The following MGAT4C variants were observed in gnomAD, a reference collection of about 807,000 sequenced individuals.
MGAT4C encodes the protein MGAT4 family member C, also known as alpha-1,3-mannosyl-glycoprotein 4-beta-N-acetylglucosaminyltransferase C.
In MGAT4C, 19 loss-of-function variants were observed where a neutral mutation model predicts 40.1. The observed-to-expected ratio is 0.47, with a 90% confidence interval of 0.33 to 0.70. MGAT4C has a LOEUF of 0.70. Among genes scored for constraint, MGAT4C ranks in the 30% least tolerant of loss-of-function variants. The pLI is 0.02. For synonymous variants in MGAT4C, 181 were observed against 187.1 expected (o/e 0.97, Z 0.27); for missense variants, 491 against 563.2 (o/e 0.87, Z 1.30).
At chr12:86,062,116 A>AT (rs1217153218) in intron 1 of MGAT4C, among the ~76,000 whole-genome samples, 1 of 152,206 alleles carries the variant, frequency 6.6e-6, no homozygotes, top group African/African-American at 2.4e-5. Flanking sequence ...GACACCTCAT[A>AT]TAGTAGAGCT....
intron 2 of MGAT4C, among the ~76,000 whole-genome samples, chr12:86,448,169 G>A (rs1957370765): frequency 6.6e-6 from 1 of 152,114 alleles, no homozygotes; most frequent in African/African-American, 2.4e-5. Flanking sequence ...GGTTCACACA[G>A]TCTCCCAGAA....
intron 2 of MGAT4C, among the ~76,000 whole-genome samples, chr12:86,509,071 C>T (rs1037784265): frequency 6.6e-6 from 1 of 151,912 alleles, no homozygotes; most frequent in Non-Finnish European, 1.5e-5. Flanking sequence ...TTAATTAGAT[C>T]CCATTTGTCA....
At chr12:86,788,908 A>G (rs1481963240) in intron 1 of MGAT4C, among the ~76,000 whole-genome samples, 2 of 152,178 alleles carry the variant, frequency 1.3e-5, no homozygotes, top group African/African-American at 4.8e-5. Flanking sequence ...TAGCCAATGT[A>G]TAAAATCAAC....
At chr12:86,818,904 G>A (rs1952653616) in intron 1 of MGAT4C, among the ~76,000 whole-genome samples, 1 of 150,930 alleles carries the variant, frequency 6.6e-6, no homozygotes, top group Non-Finnish European at 1.5e-5. Context: ...TGGTAAATAA[G>A]CATATGAATA....
chr12:86,370,917 G>T (rs1036070057), intron 3 of MGAT4C, among the ~76,000 whole-genome samples: 4 of 152,008 alleles, frequency 2.6e-5, no homozygotes, highest in African/African-American at 9.7e-5. Context: ...GCAGAGGGGT[G>T]AGGGGTGGCC....
intron 1 of MGAT4C, among the ~76,000 whole-genome samples, chr12:86,237,834 T>C (rs1951618617): frequency 6.6e-6 from 1 of 151,896 alleles, no homozygotes; most frequent in Non-Finnish European, 1.5e-5. Context: ...TCATAGATAA[T>C]TTTATCTTGC....
At chr12:86,025,017 T>G (rs900437429) in intron 2 of MGAT4C, among the ~76,000 whole-genome samples, 1 of 151,714 alleles carries the variant, frequency 6.6e-6, no homozygotes, top group Non-Finnish European at 1.5e-5. Context: ...AAACCAGAAT[T>G]CAAATGTCTT....
intron 2 of MGAT4C, among the ~76,000 whole-genome samples, chr12:86,650,505 C>A (rs1963665004): frequency 6.6e-6 from 1 of 151,816 alleles, no homozygotes; most frequent in Admixed American, 6.6e-5. Flanking sequence ...ATTTAAATAC[C>A]AAGTGCTGCA....
intron 4 of MGAT4C, among the ~76,000 whole-genome samples, chr12:86,294,575 G>A (rs1212910272): frequency 6.6e-6 from 1 of 152,100 alleles, no homozygotes; most frequent in African/African-American, 2.4e-5. Context: ...CTTTCTCCCA[G>A]ACAATCTGGT....
At chr12:86,362,179 C>T (rs998653375) in intron 3 of MGAT4C, among the ~76,000 whole-genome samples, 3 of 152,160 alleles carry the variant, frequency 2.0e-5, no homozygotes, top group African/African-American at 7.2e-5. Context: ...AGTTTCATGT[C>T]CTTTGTAGGG....
At chr12:86,568,972 C>T (rs73175243) in intron 2 of MGAT4C, among the ~76,000 whole-genome samples, 1,572 of 151,714 alleles carry the variant, frequency 0.01, 11 homozygotes, top group Non-Finnish European at 0.014. Context: ...ACTAAAAAGG[C>T]GCTTCCATTT....
chr12:86,385,675 G>A lies in MGAT4C; in HGVS notation c.-120+49482C>T, dbSNP rs141983276. On this transcript the variant is annotated intron_variant, in intron 3 of 7. Transcript: ENST00000548651. Reference sequence around the variant, plus strand: ...GAAAATTACTTAAAATGCACCATGGGATTGATGAAGTTGAGCCTGTTCAAC... The same window carrying A: ...GAAAATTACTTAAAATGCACCATGGAATTGATGAAGTTGAGCCTGTTCAAC... Among the ~76,000 whole-genome samples the A allele has an allele frequency of 2.0e-4, 31 of 152,254 alleles. 1 individual carries two copies. Among genetic ancestry groups the A allele is most frequent in the African/African-American group, 7.5e-4 (31 of 41,554 alleles).
At chr12:86,307,789 A>ACCTC (rs1470720471) in intron 4 of MGAT4C, among the ~76,000 whole-genome samples, 2 of 148,356 alleles carry the variant, frequency 1.3e-5, no homozygotes, top group Non-Finnish European at 3.0e-5. Context: ...TGCAAGCTCC[A>ACCTC]CCTCCCGGGT....
chr12:86,475,837 CTATT>C (rs1397589876), intron 2 of MGAT4C, among the ~76,000 whole-genome samples: 2 of 151,960 alleles, frequency 1.3e-5, no homozygotes, highest in Non-Finnish European at 2.9e-5. Context: ...GAATTTTAAA[CTATT>C]TAATTATCAT....
At chr12:86,175,392 T>C (rs1385825799) in intron 1 of MGAT4C, among the ~76,000 whole-genome samples, 1 of 152,192 alleles carries the variant, frequency 6.6e-6, no homozygotes, top group Non-Finnish European at 1.5e-5. Flanking sequence ...AAATTTCTCT[T>C]AAATCCACTC....
At chr12:86,300,856 T>C (rs1953792887) in intron 4 of MGAT4C, among the ~76,000 whole-genome samples, 1 of 152,110 alleles carries the variant, frequency 6.6e-6, no homozygotes, top group African/African-American at 2.4e-5. Flanking sequence ...AAAGTTATGT[T>C]AGATATGATC....
At chr12:86,028,302 C>G (rs1890424879) in intron 2 of MGAT4C, 1 of 537,666 alleles carries the variant, frequency 1.9e-6, no homozygotes, top group African/African-American at 2.0e-5. Flanking sequence ...CAACACCATG[C>G]CCTTTGTCTG....
chr12:86,482,309 T>C (rs1957951665), intron 2 of MGAT4C, among the ~76,000 whole-genome samples: 1 of 152,114 alleles, frequency 6.6e-6, no homozygotes, highest in African/African-American at 2.4e-5. Flanking sequence ...AATTTATAGA[T>C]ATCACATTTT....
chr12:86,189,130 G>A lies in MGAT4C; in HGVS notation c.-57+67109C>T, dbSNP rs151274544. ...ATATTGCTTTATTTCTAGAAATAGC[G>A]TTGATTTTTACTGTCTTTTCCTTTT... On this transcript the variant is annotated intron_variant, in intron 1 of 4. Coordinates refer to ENST00000611864, the MANE Select transcript of MGAT4C (RefSeq NM_001351288.2). 4.0e-3 allele frequency among the ~76,000 whole-genome samples: 604 copies of A among 151,834 alleles called. 2 individuals carry two copies. Among genetic ancestry groups the A allele is most frequent in the African/African-American group, 0.012 (512 of 41,474 alleles).
Sources: gnomAD v4.1 joint callset for allele counts (sites outside exome capture counted in the v4.1 genomes callset) on GRCh38, gnomAD v4.1.1 for gene constraint, MANE v1.5 for transcripts, NCBI Gene and HGNC (gene_info 2026-07-23, HGNC 2026-07-21) for gene names.